The following NXPH1 variants were observed in gnomAD, a reference collection of about 807,000 sequenced individuals.
The protein encoded by NXPH1 is neurexophilin-1.
Under a neutral mutation model 23.7 loss-of-function variants are expected in NXPH1, and 5 were observed. The ratio of observed to expected loss-of-function variants is 0.21; its 90% CI spans 0.11 to 0.44. NXPH1 has a LOEUF of 0.44. NXPH1 is among the 20% of genes least tolerant of loss of function. The pLI is 0.99. For missense variants in NXPH1, 324 were observed against 321.6 expected, an observed-to-expected ratio of 1.01 and a Z score of -0.06; for synonymous variants, 144 against 122.2, an observed-to-expected ratio of 1.18 and a Z score of -1.18.
intron 2 of NXPH1, among the ~76,000 whole-genome samples, chr7:8,517,784 C>T (rs1422495612): frequency 6.6e-6 from 1 of 152,106 alleles, no homozygotes; most frequent in Non-Finnish European, 1.5e-5. Context: ...AGAGGCAGTT[C>T]CTGGCAATTC....
At chr7:8,573,603 C>A (rs1027454879) in intron 2 of NXPH1, among the ~76,000 whole-genome samples, 2 of 152,080 alleles carry the variant, frequency 1.3e-5, no homozygotes, top group African/African-American at 4.8e-5. Flanking sequence ...ACTTTAGAAC[C>A]AGGTTATGGA....
chr7:8,456,045 G>A (rs369281494), intron 2 of NXPH1, among the ~76,000 whole-genome samples: 17 of 152,178 alleles, frequency 1.1e-4, no homozygotes, highest in East Asian at 5.8e-4. Context: ...AGCCAGGCAT[G>A]GGTAAGTCAT....
chr7:8,479,168 A>G (rs1282030551), intron 2 of NXPH1, among the ~76,000 whole-genome samples: 1 of 152,150 alleles, frequency 6.6e-6, no homozygotes, highest in Non-Finnish European at 1.5e-5. Context: ...TCAAGTATCT[A>G]TAAAACAGCA....
intron 2 of NXPH1, among the ~76,000 whole-genome samples, chr7:8,498,898 G>T (rs1018629215): frequency 2.0e-5 from 3 of 151,968 alleles, no homozygotes; most frequent in African/African-American, 7.2e-5. Context: ...GAGTGTGGGT[G>T]GCTTCCTTGA....
Position 8,671,951 on chromosome 7 carries a change from T to A in NXPH1, c.55-79057T>A, listed in dbSNP as rs192173361. On this transcript the variant is annotated intron_variant, in intron 2 of 2. Transcript: ENST00000405863. ...GCCCACTTTTTGATGGGGTTGTTTG[T>A]TTTTTTCTTGTAAATTTGTTTGAGT... Among the ~76,000 whole-genome samples the A allele has an allele frequency of 1.4e-4, 21 of 152,264 alleles. No homozygotes were observed. The East Asian group carries it at 4.1e-3, about 29-fold the overall frequency.
intron 2 of NXPH1, among the ~76,000 whole-genome samples, chr7:8,694,872 GT>G (rs1444580034): frequency 6.6e-6 from 1 of 152,150 alleles, no homozygotes; most frequent in African/African-American, 2.4e-5. Context: ...AAAAATAACT[GT>G]TAAATTAAGT....
intron 2 of NXPH1, among the ~76,000 whole-genome samples, chr7:8,510,616 G>A (rs1241049307): frequency 1.3e-5 from 2 of 152,102 alleles, no homozygotes; most frequent in South Asian, 2.1e-4. Context: ...AATGAGAAGT[G>A]TGGGCACAAA....
intron 2 of NXPH1, among the ~76,000 whole-genome samples, chr7:8,528,896 T>C (rs1272201777): frequency 6.6e-6 from 1 of 152,228 alleles, no homozygotes. Flanking sequence ...TTTCAGTTTC[T>C]GTAGGTCAGA....
At chr7:8,666,030 C>G (rs1335288077) in intron 2 of NXPH1, among the ~76,000 whole-genome samples, 3 of 101,168 alleles carry the variant, frequency 3.0e-5, no homozygotes, top group African/African-American at 1.0e-4. Flanking sequence ...CCTTCTAGTT[C>G]CCTTTAGTTC....
chr7:8,501,520 C>A (rs961876515), intron 2 of NXPH1, among the ~76,000 whole-genome samples: 3 of 152,002 alleles, frequency 2.0e-5, no homozygotes, highest in South Asian at 2.1e-4. Context: ...TTCTGATGAA[C>A]CACTTTCCCA....
At chr7:8,456,249 C>G (rs1816592321) in intron 2 of NXPH1, among the ~76,000 whole-genome samples, 1 of 152,120 alleles carries the variant, frequency 6.6e-6, no homozygotes, top group Non-Finnish European at 1.5e-5. Flanking sequence ...CCTAACAACA[C>G]TATGTTTTTA....
intron 2 of NXPH1, among the ~76,000 whole-genome samples, chr7:8,457,756 C>G (rs928744895): frequency 6.6e-6 from 1 of 151,862 alleles, no homozygotes; most frequent in African/African-American, 2.4e-5. Flanking sequence ...AGCCTTCTGG[C>G]AAAGACTAAG....
At chr7:8,728,392 A>C (rs1174948361) in intron 2 of NXPH1, among the ~76,000 whole-genome samples, 2 of 152,144 alleles carry the variant, frequency 1.3e-5, no homozygotes, top group Admixed American at 6.5e-5. Context: ...GGGAGTGGTG[A>C]GAGAGGGCAT....
At chr7:8,500,129 C>T (rs2128612387) in intron 2 of NXPH1, among the ~76,000 whole-genome samples, 2 of 152,106 alleles carry the variant, frequency 1.3e-5, no homozygotes, top group Middle Eastern at 6.8e-3. Flanking sequence ...CAGAAGTTTC[C>T]TCGCCATCAG....
At chr7:8,598,047 T>C (rs752751019) in intron 2 of NXPH1, among the ~76,000 whole-genome samples, 1 of 152,132 alleles carries the variant, frequency 6.6e-6, no homozygotes, top group Non-Finnish European at 1.5e-5. Context: ...TAAGCAGTTT[T>C]CTCATGTGTT....
chr7:8,682,292 G>A (rs930052965), intron 2 of NXPH1, among the ~76,000 whole-genome samples: 3 of 152,166 alleles, frequency 2.0e-5, no homozygotes, highest in African/African-American at 7.2e-5. Context: ...TTTGGGATCA[G>A]ATTCCCAGGA....
chr7:8,750,337 T>A (rs1012071361), intron 2 of NXPH1, among the ~76,000 whole-genome samples: 4 of 152,184 alleles, frequency 2.6e-5, no homozygotes, highest in African/African-American at 4.8e-5. Flanking sequence ...ATATATTTCT[T>A]CTAACAAAAT....
At chr7:8,703,536 C>T (rs1268240132) in intron 2 of NXPH1, among the ~76,000 whole-genome samples, 1 of 133,562 alleles carries the variant, frequency 7.5e-6, no homozygotes, top group African/African-American at 3.0e-5. Flanking sequence ...TTGTCTTTGT[C>T]TTGGAAGCAG....
At chr7:8,451,484 T>C (rs1305716182) in intron 2 of NXPH1, among the ~76,000 whole-genome samples, 1 of 152,224 alleles carries the variant, frequency 6.6e-6, no homozygotes, top group Non-Finnish European at 1.5e-5. Flanking sequence ...ACCAATGTCA[T>C]CCCAAGTTTT....
Sources: allele counts gnomAD v4.1 joint callset (sites outside exome capture counted in the v4.1 genomes callset), GRCh38; gene constraint gnomAD v4.1.1; transcripts MANE v1.5; gene names NCBI Gene and HGNC (gene_info 2026-07-23, HGNC 2026-07-21).